BBS9: variants seen among roughly 807,000 people sequenced by gnomAD.
The protein encoded by BBS9 is Bardet-Biedl syndrome 9.
A neutral mutation model predicts 117.7 loss-of-function variants in BBS9; 89 were observed. That is an observed-to-expected ratio of 0.76 (90% CI 0.64 to 0.90). The LOEUF is 0.90. Ranked by LOEUF, BBS9 falls within the 40% of genes least tolerant of loss-of-function variation. The probability of loss-of-function intolerance (pLI) is 0.00; values close to 1 mark genes in which losing one functional copy is unlikely to be tolerated. For missense variants in BBS9, 982 were observed against 1,042.2 expected (o/e 0.94, Z 0.80); for synonymous variants, 379 against 370.9 (o/e 1.02, Z -0.25).
chr7:33,348,997 A>G, intron 12 of BBS9, 71 bp from the exon 13 acceptor site: 3 of 1,059,110 alleles, frequency 2.8e-6, no homozygotes, highest in Non-Finnish European at 4.4e-6. Flanking sequence ...AGTTATGTTT[A>G]AGTAGTTACG....
intron 21 of BBS9, among the ~76,000 whole-genome samples, chr7:33,597,885 A>C (rs1032766930): frequency 1.3e-5 from 2 of 148,450 alleles, no homozygotes; most frequent in African/African-American, 2.6e-5. Context: ...AAAAAAAAAA[A>C]AACAAAACAA....
chr7:33,387,506 G>T (rs1584607841), intron 18 of BBS9, among the ~76,000 whole-genome samples: 1 of 151,356 alleles, frequency 6.6e-6, no homozygotes, highest in Admixed American at 6.6e-5. Context: ...AAATGTTTTT[G>T]TTTTTTTTAG....
intron 21 of BBS9, among the ~76,000 whole-genome samples, chr7:33,581,315 G>A (rs1378028485): frequency 6.6e-6 from 1 of 152,116 alleles, no homozygotes; most frequent in African/African-American, 2.4e-5. Context: ...GTCACTGTAT[G>A]TCCAGAGACT....
At chr7:33,328,423 T>A (rs1242168167) in intron 9 of BBS9, among the ~76,000 whole-genome samples, 1 of 152,232 alleles carries the variant, frequency 6.6e-6, no homozygotes, top group Non-Finnish European at 1.5e-5. Context: ...TAAAAATGTC[T>A]GAAATGATTA....
intron 21 of BBS9, among the ~76,000 whole-genome samples, chr7:33,566,315 A>G (rs1856930422): frequency 6.6e-6 from 1 of 151,918 alleles, no homozygotes; most frequent in Non-Finnish European, 1.5e-5. Context: ...TAATATATAT[A>G]TATATATTCA....
intron 5 of BBS9, among the ~76,000 whole-genome samples, chr7:33,181,087 T>C (rs1036162715): frequency 1.3e-5 from 2 of 152,164 alleles, no homozygotes; most frequent in African/African-American, 4.8e-5. Flanking sequence ...GGGTCCTATC[T>C]GCGATTCCGT....
At chr7:33,627,091 A>G (rs1865675583) in intron 21 of BBS9, among the ~76,000 whole-genome samples, 1 of 152,204 alleles carries the variant, frequency 6.6e-6, no homozygotes, top group African/African-American at 2.4e-5. Context: ...GAGGGTTAGG[A>G]GGGAAGAATG....
At position 33,413,740 on chromosome 7, in the gene BBS9, G is replaced by A. The variant is rs927772674; in HGVS notation, c.2115+25596G>A. 2.0e-5 allele frequency among the ~76,000 whole-genome samples: 3 copies of A among 152,240 alleles called. No individual in the cohort carries two copies. The East Asian group carries it at 5.8e-4, about 29-fold the overall frequency. Reference sequence around the variant, plus strand: ...TTTATAGTGAATTAAAGCCAGACCAGGCCGGGCGCAGTGGCTCACGCCTGT... The same window carrying A: ...TTTATAGTGAATTAAAGCCAGACCAAGCCGGGCGCAGTGGCTCACGCCTGT... On this transcript the variant is annotated intron_variant, in intron 19 of 22. Transcript: ENST00000242067.
chr7:33,585,142 T>A (rs1034684387), intron 21 of BBS9, among the ~76,000 whole-genome samples: 3 of 152,130 alleles, frequency 2.0e-5, no homozygotes, highest in African/African-American at 4.8e-5. Context: ...TATCCACCAA[T>A]GCTGAATTCT....
chr7:33,345,172 A>G (rs896683395), intron 12 of BBS9, among the ~76,000 whole-genome samples: 3 of 152,266 alleles, frequency 2.0e-5, no homozygotes, highest in Non-Finnish European at 4.4e-5. Flanking sequence ...TAGAATGGTA[A>G]CAAATTGATA....
At chr7:33,417,095 A>G (rs1390748228) in intron 19 of BBS9, among the ~76,000 whole-genome samples, 1 of 152,216 alleles carries the variant, frequency 6.6e-6, no homozygotes, top group East Asian at 1.9e-4. Flanking sequence ...AATAGACACT[A>G]CGTTTTAACA....
intron 14 of BBS9, chr7:33,352,124 G>A (rs1584456954): frequency 6.5e-6 from 1 of 152,814 alleles, no homozygotes; most frequent in Non-Finnish European, 1.5e-5. Context: ...GTATGAATTA[G>A]TAGAAAATAA....
chr7:33,488,867 A>G (rs978963724), intron 19 of BBS9, among the ~76,000 whole-genome samples: 1 of 152,114 alleles, frequency 6.6e-6, no homozygotes, highest in Non-Finnish European at 1.5e-5. Context: ...TCACCAAGAA[A>G]AGTAGTTTTC....
chr7:33,340,231 AT>A (rs1816227118), intron 10 of BBS9, among the ~76,000 whole-genome samples: 1 of 152,088 alleles, frequency 6.6e-6, no homozygotes, highest in South Asian at 2.1e-4. Context: ...GAAAATATTC[AT>A]GTTTATGTAA....
At position 33,575,338 on chromosome 7, in the gene BBS9, C is replaced by A. The variant is rs112266141; in HGVS notation, c.2522-29527C>A. On this transcript the variant is annotated intron_variant, in intron 21 of 22. Transcript: ENST00000242067. ...TAAATGTCCTCTTGGTACACATACA[C>A]CCTCCCAAGACTAAACCAGGAAGAA... is the stretch of plus-strand genomic sequence containing the variant. Among the ~76,000 whole-genome samples the A allele has an allele frequency of 5.7e-3, 861 of 152,202 alleles. 11 individuals are homozygous for A. Among genetic ancestry groups the A allele is most frequent in the African/African-American group, 0.02 (814 of 41,526 alleles).
At chr7:33,236,708 A>C (rs1793587218) in intron 5 of BBS9, among the ~76,000 whole-genome samples, 1 of 152,114 alleles carries the variant, frequency 6.6e-6, no homozygotes, top group African/African-American at 2.4e-5. Flanking sequence ...CTATGTATAC[A>C]TTGTAGAAAG....
chr7:33,604,187 T>A (rs1280963566), intron 21 of BBS9, among the ~76,000 whole-genome samples: 2 of 152,228 alleles, frequency 1.3e-5, no homozygotes, highest in African/African-American at 4.8e-5. Flanking sequence ...CAGGAAATTC[T>A]CTCATGATTG....
intron 19 of BBS9, among the ~76,000 whole-genome samples, chr7:33,441,645 T>TCCTG (rs1204207134): frequency 5.3e-5 from 8 of 152,210 alleles, no homozygotes; most frequent in Non-Finnish European, 1.2e-4. Flanking sequence ...ATATCTCTAT[T>TCCTG]AAATCAGGAA....
chr7:33,449,495 TG>T (rs1837473986), intron 19 of BBS9, among the ~76,000 whole-genome samples: 1 of 152,018 alleles, frequency 6.6e-6, no homozygotes, highest in Non-Finnish European at 1.5e-5. Context: ...TGGAGAGGCT[TG>T]GGGGCTGGGT....
Sources: gnomAD v4.1 joint callset for allele counts (sites outside exome capture counted in the v4.1 genomes callset) on GRCh38, gnomAD v4.1.1 for gene constraint, MANE v1.5 for transcripts, NCBI Gene and HGNC (gene_info 2026-07-23, HGNC 2026-07-21) for gene names.